Variants in GRID2 observed in about 807,000 individuals in gnomAD.
GRID2 encodes the protein glutamate ionotropic receptor delta type subunit 2, also known as glutamate receptor ionotropic, delta-2.
GRID2 carries 33 observed loss-of-function variants against 114.8 expected under a neutral mutation model. The observed-to-expected ratio is 0.29, with a 90% CI of 0.22 to 0.38. The LOEUF (loss-of-function observed/expected upper bound fraction) is 0.38, where lower values mean the gene tolerates loss of function less well. Ranked by LOEUF, GRID2 falls within the 10% of genes least tolerant of loss-of-function variation. The pLI, the probability that GRID2 is intolerant of heterozygous loss-of-function variation, is 1.00. For missense variants in GRID2, 1,184 were observed against 1,257.7 expected (o/e 0.94, Z 0.89); for synonymous variants, 505 against 449.9 (o/e 1.12, Z -1.55).
At chr4:92,873,144 C>T (rs1201502030) in intron 2 of GRID2, among the ~76,000 whole-genome samples, 1 of 152,038 alleles carries the variant, frequency 6.6e-6, no homozygotes, top group Non-Finnish European at 1.5e-5. Context: ...GATTGTGCTT[C>T]TTTGGATCAT....
At chr4:92,600,531 G>C (rs1430584353) in intron 2 of GRID2, among the ~76,000 whole-genome samples, 1 of 152,168 alleles carries the variant, frequency 6.6e-6, no homozygotes, top group South Asian at 2.1e-4. Flanking sequence ...AGAACTACGG[G>C]ATTGTGTAAA....
At chr4:93,091,750 G>T (rs1730811149) in intron 3 of GRID2, among the ~76,000 whole-genome samples, 1 of 152,102 alleles carries the variant, frequency 6.6e-6, no homozygotes, top group African/African-American at 2.4e-5. Context: ...GCATGAACAA[G>T]CTGTGTCCTC....
At chr4:92,915,512 T>A (rs980504060) in intron 2 of GRID2, among the ~76,000 whole-genome samples, 2 of 152,116 alleles carry the variant, frequency 1.3e-5, no homozygotes, top group Non-Finnish European at 2.9e-5. Context: ...TTGGGGATTA[T>A]GGGAATTGCA....
intron 2 of GRID2, among the ~76,000 whole-genome samples, chr4:92,679,146 T>A (rs904684584): frequency 1.3e-5 from 2 of 152,112 alleles, no homozygotes; most frequent in African/African-American, 4.8e-5. Flanking sequence ...TATTTCCTTC[T>A]TTTCATAAGT....
chr4:92,597,374 G>A (rs1729005060), intron 2 of GRID2, among the ~76,000 whole-genome samples: 1 of 151,992 alleles, frequency 6.6e-6, no homozygotes, highest in Admixed American at 6.6e-5. Flanking sequence ...TGAAGTAACA[G>A]GTCTCTACTA....
In GRID2 at chr4:92,935,277, T is replaced by G. The variant is rs1452365173; in HGVS notation, c.245-149718T>G. ...GACATTTATGCAGCCAAAAAACACATGAAAAAAGGCTCACTATCACTGGCC... is the reference window on the plus strand; with the variant it reads ...GACATTTATGCAGCCAAAAAACACAGGAAAAAAGGCTCACTATCACTGGCC... On this transcript the variant is annotated intron_variant, in intron 2 of 15. Transcript: ENST00000282020. Among the ~76,000 whole-genome samples, 2 of 146,952 alleles carry G rather than the reference T, an allele frequency of 1.4e-5. 1 individual carries two copies. Among genetic ancestry groups the G allele is most frequent in the African/African-American group, 4.9e-5 (2 of 41,118 alleles).
At chr4:92,619,337 C>T (rs1271388235) in intron 2 of GRID2, among the ~76,000 whole-genome samples, 1 of 151,706 alleles carries the variant, frequency 6.6e-6, no homozygotes, top group African/African-American at 2.4e-5. Flanking sequence ...ATTTCCTGAG[C>T]ATATGCATAA....
chr4:92,523,768 T>TCAGGTGACA (rs1724899045), intron 1 of GRID2, among the ~76,000 whole-genome samples: 1 of 151,654 alleles, frequency 6.6e-6, no homozygotes, highest in African/African-American at 2.4e-5. Context: ...GTGTACAGAG[T>TCAGGTGACA]CAGGTGACAA....
chr4:92,968,947 G>A (rs6836612), intron 2 of GRID2, among the ~76,000 whole-genome samples: 6,233 of 151,620 alleles, frequency 0.041, 195 homozygotes, highest in East Asian at 0.14. Context: ...TTATTGTTTG[G>A]CCATTTCATA....
At chr4:93,075,884 T>TCTC (rs1491329436) in intron 2 of GRID2, among the ~76,000 whole-genome samples, 8 of 11,248 alleles carry the variant, frequency 7.1e-4, no homozygotes, top group African/African-American at 2.9e-3. Flanking sequence ...GTTACCTCTC[T>TCTC]TTTTTTTTTT....
chr4:93,613,982 C>T (rs944983326), intron 13 of GRID2, among the ~76,000 whole-genome samples: 2 of 151,850 alleles, frequency 1.3e-5, no homozygotes, highest in African/African-American at 4.8e-5. Flanking sequence ...GGCGTAGGAC[C>T]CTCTGAGCCA....
At chr4:92,778,236 T>C (rs991929290) in intron 2 of GRID2, among the ~76,000 whole-genome samples, 3 of 144,736 alleles carry the variant, frequency 2.1e-5, no homozygotes, top group African/African-American at 4.9e-5. Flanking sequence ...TTCTCCATTG[T>C]TTTTTTTTAA....
At chr4:92,461,207 T>A (rs1028103466) in intron 1 of GRID2, among the ~76,000 whole-genome samples, 1 of 151,972 alleles carries the variant, frequency 6.6e-6, no homozygotes, top group Non-Finnish European at 1.5e-5. Flanking sequence ...ATTAAACTTG[T>A]CAACTTTTAT....
intron 2 of GRID2, among the ~76,000 whole-genome samples, chr4:93,038,754 G>A (rs952144905): frequency 6.6e-6 from 1 of 151,998 alleles, no homozygotes; most frequent in Non-Finnish European, 1.5e-5. Context: ...TTGTGCCACT[G>A]CACTCCAGCC....
At chr4:92,788,128 T>C (rs978475320) in intron 2 of GRID2, among the ~76,000 whole-genome samples, 7 of 151,736 alleles carry the variant, frequency 4.6e-5, no homozygotes, top group African/African-American at 1.7e-4. Flanking sequence ...GTGTGAACAT[T>C]GATGGAGAAG....
At position 93,774,214 on chromosome 4, in the gene GRID2, G is replaced by A. The variant is rs1472621623; in HGVS notation, c.*1716G>A. 1 of 152,066 alleles carries A rather than the reference G, an allele frequency of 6.6e-6. No individual in the cohort carries two copies. Among genetic ancestry groups the A allele is most frequent in the Non-Finnish European group, 1.5e-5 (1 of 67,954 alleles). The allele number at this position is 152,066 out of a possible 1,614,324, so 9.4% of individuals were successfully genotyped here. On this transcript the variant is annotated 3_prime_UTR_variant, in exon 16 of 16. Coordinates refer to ENST00000282020, the MANE Select transcript of GRID2 (RefSeq NM_001510.4). ...CAAATATTGTCTACTGTGTAAGGCA[G>A]AAAAATTTCTTATCATGCAAAAACC...
chr4:93,241,661 T>A (rs1397838482), intron 8 of GRID2, among the ~76,000 whole-genome samples: 1 of 151,882 alleles, frequency 6.6e-6, no homozygotes, highest in Admixed American at 6.6e-5. Context: ...TATGCTGGCC[T>A]AACTTAAATG....
At chr4:93,036,876 CT>C (rs1449464115) in intron 2 of GRID2, among the ~76,000 whole-genome samples, 2 of 152,082 alleles carry the variant, frequency 1.3e-5, no homozygotes, top group African/African-American at 4.8e-5. Context: ...TTTCTCCATT[CT>C]TTTATCTAAA....
intron 2 of GRID2, among the ~76,000 whole-genome samples, chr4:92,595,371 G>C (rs572743518): frequency 6.6e-6 from 1 of 151,882 alleles, no homozygotes; most frequent in African/African-American, 2.4e-5. Flanking sequence ...GTAATATGCA[G>C]TAATGGGATT....
Sources: allele counts gnomAD v4.1 joint callset (sites outside exome capture counted in the v4.1 genomes callset), GRCh38; gene constraint gnomAD v4.1.1; transcripts MANE v1.5; gene names NCBI Gene and HGNC (gene_info 2026-07-23, HGNC 2026-07-21).